Variants in FBXW7 observed in about 807,000 individuals in gnomAD.
The protein encoded by FBXW7 is F-box and WD repeat domain containing 7.
A neutral mutation model predicts 86.3 loss-of-function variants in FBXW7; 11 were observed. The ratio of observed to expected loss-of-function variants is 0.13; its 90% CI spans 0.08 to 0.21. The LOEUF is 0.21. Ranked by LOEUF, FBXW7 falls within the 10% of genes least tolerant of loss-of-function variation. FBXW7 has a pLI of 1.00. For synonymous variants in FBXW7, 313 were observed against 297.9 expected (o/e 1.05, Z -0.52); for missense variants, 488 against 847.4 (o/e 0.58, Z 5.27).
intron 4 of FBXW7, among the ~76,000 whole-genome samples, chr4:152,392,906 AAG>A (rs1189572397): frequency 6.6e-6 from 1 of 152,176 alleles, no homozygotes; most frequent in African/African-American, 2.4e-5. Flanking sequence ...AAACTTTTTA[AAG>A]AGTTACTTTG....
intron 2 of FBXW7, among the ~76,000 whole-genome samples, chr4:152,497,603 C>T (rs747324475): frequency 1.3e-5 from 2 of 152,004 alleles, no homozygotes; most frequent in Non-Finnish European, 2.9e-5. Context: ...CATTTCTCAT[C>T]TTTCAAATAG....
chr4:152,471,022 T>A (rs1305393487), intron 2 of FBXW7, among the ~76,000 whole-genome samples: 1 of 151,940 alleles, frequency 6.6e-6, no homozygotes, highest in Non-Finnish European at 1.5e-5. Context: ...AAATCACATA[T>A]CATAACTAGC....
chr4:152,407,999 T>C (rs952433729), intron 4 of FBXW7, among the ~76,000 whole-genome samples: 3 of 152,194 alleles, frequency 2.0e-5, no homozygotes, highest in Non-Finnish European at 4.4e-5. Context: ...CTATCTTTTA[T>C]ATATATTTAT....
intron 2 of FBXW7, among the ~76,000 whole-genome samples, chr4:152,440,067 TG>T (rs1469482691): frequency 6.6e-6 from 1 of 152,160 alleles, no homozygotes; most frequent in African/African-American, 2.4e-5. Context: ...TAAAAAGGAC[TG>T]GAGTGAGATA....
intron 4 of FBXW7, among the ~76,000 whole-genome samples, chr4:152,355,112 C>CA (rs1317786449): frequency 6.6e-6 from 1 of 152,044 alleles, no homozygotes; most frequent in Non-Finnish European, 1.5e-5. Flanking sequence ...AAATGATTTT[C>CA]AACATTCTCT....
chr4:152,345,724 C>A (rs1378241463), intron 6 of FBXW7, among the ~76,000 whole-genome samples: 1 of 152,052 alleles, frequency 6.6e-6, no homozygotes, highest in African/African-American at 2.4e-5. Context: ...TTTTAAAAAA[C>A]CATTTAAAAG....
chr4:152,528,183 G>C (rs937646858), intron 2 of FBXW7, among the ~76,000 whole-genome samples: 4 of 151,914 alleles, frequency 2.6e-5, no homozygotes, highest in South Asian at 4.2e-4. Flanking sequence ...GAAACACACA[G>C]AGAGAGAGAG....
At chr4:152,376,988 A>C (rs1734599476) in intron 4 of FBXW7, among the ~76,000 whole-genome samples, 1 of 152,218 alleles carries the variant, frequency 6.6e-6, no homozygotes, top group Non-Finnish European at 1.5e-5. Flanking sequence ...AAATTTATAA[A>C]GGGACGGTGC....
intron 2 of FBXW7, among the ~76,000 whole-genome samples, chr4:152,472,852 A>T (rs1210208853): frequency 6.6e-6 from 1 of 152,196 alleles, no homozygotes; most frequent in African/African-American, 2.4e-5. Context: ...TTTACTAATT[A>T]AAAAATCTGA....
chr4:152,422,448 T>C (rs1488807652), intron 2 of FBXW7, among the ~76,000 whole-genome samples: 1 of 152,186 alleles, frequency 6.6e-6, no homozygotes, highest in Admixed American at 6.5e-5. Flanking sequence ...AGACACTTTG[T>C]CAAACTCTCT....
At chr4:152,408,955 T>G (rs1341171317) in intron 4 of FBXW7, among the ~76,000 whole-genome samples, 7 of 152,216 alleles carry the variant, frequency 4.6e-5, no homozygotes, top group Non-Finnish European at 1.0e-4. Flanking sequence ...ACATGGAATT[T>G]TTAACATATA....
intron 2 of FBXW7, among the ~76,000 whole-genome samples, chr4:152,476,207 A>C (rs575675173): frequency 5.3e-5 from 8 of 152,334 alleles, no homozygotes; most frequent in East Asian, 3.9e-4. Flanking sequence ...GACAAAGGTA[A>C]AAAGGCAGTT....
At position 152,467,742 on chromosome 4, in the gene FBXW7, C is replaced by T. The variant is rs566376294; in HGVS notation, c.-119-55213G>A. 4.6e-5 allele frequency among the ~76,000 whole-genome samples: 7 copies of T among 152,254 alleles called. No homozygotes were observed. The South Asian group carries it at 1.5e-3, about 32-fold the overall frequency. Reference sequence around the variant, plus strand: ...ATTAAAACTTTGTCATAGACCCAGGCTATCAGTGAGTATTTATTTAAAAAC... The same window carrying T: ...ATTAAAACTTTGTCATAGACCCAGGTTATCAGTGAGTATTTATTTAAAAAC... On this transcript the variant is annotated intron_variant, in intron 2 of 13. Coordinates refer to ENST00000281708, the MANE Select transcript of FBXW7 (RefSeq NM_001349798.2).
intron 2 of FBXW7, among the ~76,000 whole-genome samples, chr4:152,445,076 T>C (rs913257040): frequency 4.6e-5 from 7 of 152,170 alleles, no homozygotes; most frequent in Non-Finnish European, 7.4e-5. Flanking sequence ...CCCATCTGCC[T>C]CTACCTCCCA....
At chr4:152,391,214 C>G (rs1014378852) in intron 4 of FBXW7, among the ~76,000 whole-genome samples, 3 of 151,948 alleles carry the variant, frequency 2.0e-5, no homozygotes, top group Admixed American at 6.6e-5. Context: ...AATTAAAGTA[C>G]AGAAAACAAG....
chr4:152,530,407 A>C (rs1201011426), intron 2 of FBXW7: 1 of 152,004 alleles, frequency 6.6e-6, no homozygotes, highest in African/African-American at 2.4e-5. Context: ...TATTTTCAGA[A>C]GGTTTCAAAA....
intron 2 of FBXW7, among the ~76,000 whole-genome samples, chr4:152,523,305 A>C (rs1194671921): frequency 1.4e-5 from 2 of 147,916 alleles, no homozygotes; most frequent in Non-Finnish European, 3.0e-5. Flanking sequence ...TGGAGAGACC[A>C]AAAAAAACAC....
At chr4:152,417,353 G>A (rs1415702956) in intron 2 of FBXW7, among the ~76,000 whole-genome samples, 1 of 152,126 alleles carries the variant, frequency 6.6e-6, no homozygotes, top group African/African-American at 2.4e-5. Flanking sequence ...AGTTGCAGAT[G>A]TAAGAAACCC....
At chr4:152,332,365 C>A (rs1729642539) in intron 8 of FBXW7, among the ~76,000 whole-genome samples, 1 of 151,936 alleles carries the variant, frequency 6.6e-6, no homozygotes, top group Non-Finnish European at 1.5e-5. Context: ...TTGACTTTTT[C>A]ATTGTTTATT....
Sources: gnomAD v4.1 joint callset for allele counts (sites outside exome capture counted in the v4.1 genomes callset) on GRCh38, gnomAD v4.1.1 for gene constraint, MANE v1.5 for transcripts, NCBI Gene and HGNC (gene_info 2026-07-23, HGNC 2026-07-21) for gene names.